Variants in AK5 observed in about 807,000 individuals in gnomAD.
AK5 encodes the protein adenylate kinase isoenzyme 5.
AK5 carries 27 observed loss-of-function variants against 69.5 expected under a neutral mutation model. That is an observed-to-expected ratio of 0.39 (90% CI 0.29 to 0.54). The LOEUF (loss-of-function observed/expected upper bound fraction) is 0.54, where lower values mean the gene tolerates loss of function less well. Among genes scored for constraint, AK5 ranks in the 20% least tolerant of loss-of-function variants. The pLI, the probability that AK5 is intolerant of heterozygous loss-of-function variation, is 0.71. For missense variants in AK5, 531 were observed against 700.4 expected (o/e 0.76, Z 2.73); for synonymous variants, 260 against 244.4 (o/e 1.06, Z -0.60).
chr1:77,362,713 A>G (rs1237464615), intron 6 of AK5, among the ~76,000 whole-genome samples: 1 of 152,240 alleles, frequency 6.6e-6, no homozygotes, highest in Non-Finnish European at 1.5e-5. Flanking sequence ...AAGTCATCAG[A>G]AAAATCAAAT....
At chr1:77,548,898 CTTTTTT>C (rs34026852) in intron 13 of AK5, among the ~76,000 whole-genome samples, 5 of 87,898 alleles carry the variant, frequency 5.7e-5, no homozygotes, top group Admixed American at 1.5e-4. Context: ...TTGCTTTTAG[CTTTTTT>C]TTTTTTTTTT....
intron 13 of AK5, among the ~76,000 whole-genome samples, chr1:77,545,645 G>A (rs889145448): frequency 3.3e-5 from 5 of 152,030 alleles, no homozygotes; most frequent in African/African-American, 1.2e-4. Flanking sequence ...TCTCCATGTT[G>A]CCCTGGGAAG....
At chr1:77,286,085 T>G (rs1658332367) in intron 1 of AK5, among the ~76,000 whole-genome samples, 1 of 152,142 alleles carries the variant, frequency 6.6e-6, no homozygotes. Flanking sequence ...AACCTAGGGA[T>G]TCAGAGAAGA....
chr1:77,499,464 G>A (rs1007031957), intron 10 of AK5, among the ~76,000 whole-genome samples: 1 of 152,152 alleles, frequency 6.6e-6, no homozygotes, highest in South Asian at 2.1e-4. Flanking sequence ...TTACTGCCAC[G>A]CATCCACCCA....
At chr1:77,390,743 C>T (rs1384474475) in intron 6 of AK5, among the ~76,000 whole-genome samples, 1 of 152,094 alleles carries the variant, frequency 6.6e-6, no homozygotes, top group African/African-American at 2.4e-5. Context: ...ACTTAATTTA[C>T]ATCTTTTTAT....
At chr1:77,308,398 C>G (rs1414089989) in intron 5 of AK5, among the ~76,000 whole-genome samples, 1 of 149,216 alleles carries the variant, frequency 6.7e-6, no homozygotes, top group South Asian at 2.1e-4. Context: ...GAGATAGCGC[C>G]ACGGCACTCC....
rs201556868 is a variant in AK5 at position 77,521,950 on chromosome 1, G to T, written c.1428+7G>T. The T allele has an allele frequency of 8.2e-6, 13 of 1,577,204 alleles. No individual in the cohort carries two copies. The African/African-American group carries it at 9.5e-5, about 12-fold the overall frequency. Reference sequence around the variant, plus strand: ...GGAAGAGTTCGGACGCAGGGTGAGTGGTTGTTACGGGCATCCTTCCAGAAG... The same window carrying T: ...GGAAGAGTTCGGACGCAGGGTGAGTTGTTGTTACGGGCATCCTTCCAGAAG... On this transcript the variant is annotated splice_region_variant and intron_variant, in intron 12 of 13. Coordinates refer to ENST00000354567, the MANE Select transcript of AK5 (RefSeq NM_174858.3).
intron 8 of AK5, among the ~76,000 whole-genome samples, chr1:77,443,521 C>G (rs1357391560): frequency 6.6e-6 from 1 of 152,130 alleles, no homozygotes; most frequent in African/African-American, 2.4e-5. Context: ...GGAAGTATTT[C>G]TTCTTCTTTC....
In AK5 at chr1:77,486,341, T is replaced by C. The variant is rs1441019638; in HGVS notation, c.1136T>C (p.Ile379Thr). 6.3e-7 allele frequency: 1 copy of C among 1,579,976 alleles called. No individual in the cohort carries two copies. Among genetic ancestry groups the C allele is most frequent in the South Asian group, 1.1e-5 (1 of 89,548 alleles). The change falls in exon 10 of 14, where the codon ATT becomes ACT. Residue 379 changes from isoleucine to threonine, a missense_variant. Ile to Thr is a moderately conservative substitution (Grantham distance 89). Transcript: ENST00000354567. The stretch of plus-strand genomic sequence containing the variant: ...GAAGATTTGAGAAAGTGTAAAATTA[T>C]TTTCATAATTGGTGAGTAACAGCCC... ...FMEDLRKCKI[I>T]FIIGGPGSGK...
At chr1:77,336,652 T>C (rs1250272333) in intron 5 of AK5, among the ~76,000 whole-genome samples, 7 of 152,290 alleles carry the variant, frequency 4.6e-5, no homozygotes, top group African/African-American at 1.7e-4. Flanking sequence ...TACTTACTAT[T>C]GCCAGTGAGT....
chr1:77,530,275 G>T (rs140594929), intron 12 of AK5, among the ~76,000 whole-genome samples: 129 of 152,266 alleles, frequency 8.5e-4, no homozygotes, highest in African/African-American at 3.1e-3. Context: ...AATGGTGTGT[G>T]GGGGGAGAAG....
intron 6 of AK5, among the ~76,000 whole-genome samples, chr1:77,406,705 GAA>G (rs891657357): frequency 7.1e-6 from 1 of 140,282 alleles, no homozygotes. Context: ...TGATGCTGAG[GAA>G]AAAAAAAAAA....
intron 11 of AK5, among the ~76,000 whole-genome samples, chr1:77,519,962 G>T (rs1245511028): frequency 2.6e-5 from 4 of 152,154 alleles, no homozygotes. Context: ...CCAGCACTTT[G>T]GGAGGCCGAG....
intron 10 of AK5, 134 bp downstream of exon 10, chr1:77,486,486 G>A (rs1655600982): frequency 1.9e-6 from 1 of 536,514 alleles, no homozygotes; most frequent in African/African-American, 2.0e-5. Flanking sequence ...ACGAGGTCAG[G>A]AGATCGAGAC....
chr1:77,391,033 A>G (rs1648388634), intron 6 of AK5, among the ~76,000 whole-genome samples: 2 of 152,218 alleles, frequency 1.3e-5, no homozygotes, highest in South Asian at 4.1e-4. Context: ...CTTGGGTTAG[A>G]TCTCCTGGCA....
At chr1:77,392,156 T>C (rs1177854442) in intron 6 of AK5, among the ~76,000 whole-genome samples, 1 of 152,206 alleles carries the variant, frequency 6.6e-6, no homozygotes, top group Non-Finnish European at 1.5e-5. Flanking sequence ...ACAATCTAAA[T>C]TGATTATGTT....
At chr1:77,465,514 G>A (rs902975584) in intron 8 of AK5, among the ~76,000 whole-genome samples, 3 of 152,052 alleles carry the variant, frequency 2.0e-5, no homozygotes, top group South Asian at 2.1e-4. Context: ...CCTCTTAACC[G>A]GGACGTCTTA....
intron 12 of AK5, among the ~76,000 whole-genome samples, chr1:77,531,107 C>T (rs979955822): frequency 2.0e-5 from 3 of 152,058 alleles, no homozygotes; most frequent in South Asian, 2.1e-4. Flanking sequence ...TTAAAGGCAG[C>T]GTGTCCGGAG....
At chr1:77,308,422 GC>G (rs1659760672) in intron 5 of AK5, among the ~76,000 whole-genome samples, 1 of 131,444 alleles carries the variant, frequency 7.6e-6, no homozygotes, top group Admixed American at 8.5e-5. Context: ...CTGGGCGACA[GC>G]GAGACTCTGT....
Sources: gnomAD v4.1 joint callset for allele counts (sites outside exome capture counted in the v4.1 genomes callset) on GRCh38, gnomAD v4.1.1 for gene constraint, MANE v1.5 for transcripts, NCBI Gene and HGNC (gene_info 2026-07-23, HGNC 2026-07-21) for gene names.